YEATS2: variants seen among roughly 807,000 people sequenced by gnomAD.
YEATS2 encodes YEATS domain containing 2.
Under a neutral mutation model 163.2 loss-of-function variants are expected in YEATS2, and 77 were observed. The ratio of observed to expected loss-of-function variants is 0.47; its 90% CI spans 0.39 to 0.57. YEATS2 has a LOEUF of 0.57. YEATS2 is among the 20% of genes least tolerant of loss of function. The pLI is 0.00. For missense variants in YEATS2, 1,549 were observed against 1,729.8 expected (o/e 0.90, Z 1.85); for synonymous variants, 631 against 645.1 (o/e 0.98, Z 0.33).
In YEATS2 at chr3:183,715,152, T is replaced by C; in HGVS notation, c.-11T>C. ...TTATCATTGCTTCACAGTGAAGAAC[T>C]GAATGTCATCATGTCTGGAATCAAG... On this transcript the variant is annotated 5_prime_UTR_variant, in exon 2 of 31. Transcript: ENST00000305135. The C allele has an allele frequency of 6.3e-7, 1 of 1,597,346 alleles. No individual in the cohort carries two copies. Among genetic ancestry groups the C allele is most frequent in the South Asian group, 1.1e-5 (1 of 90,222 alleles).
At chr3:183,806,402 A>G (rs1267803825) in intron 27 of YEATS2, 1 of 456,646 alleles carries the variant, frequency 2.2e-6, no homozygotes, top group Non-Finnish European at 4.4e-6. Context: ...ACTCCTGATT[A>G]GGTTTTGTAT....
chr3:183,785,880 A>T (rs1724016744), intron 19 of YEATS2, among the ~76,000 whole-genome samples: 2 of 152,344 alleles, frequency 1.3e-5, no homozygotes, highest in South Asian at 4.1e-4. Context: ...TACTGCTGCC[A>T]AATAGTAACT....
chr3:183,709,779 G>A (rs1431294186), intron 1 of YEATS2, among the ~76,000 whole-genome samples: 5 of 150,008 alleles, frequency 3.3e-5, no homozygotes, highest in South Asian at 2.1e-4. Context: ...CCGGGTTCAC[G>A]CCATTCTCCT....
At chr3:183,786,008 G>A in intron 19 of YEATS2, 117 bp from the exon 20 acceptor site, 1 of 1,234,468 alleles carries the variant, frequency 8.1e-7, no homozygotes, top group South Asian at 1.5e-5. Context: ...GGTTGGATTG[G>A]TAAGACTTTC....
intron 19 of YEATS2, among the ~76,000 whole-genome samples, chr3:183,785,301 A>G (rs1216522957): frequency 6.6e-6 from 1 of 152,022 alleles, no homozygotes; most frequent in Admixed American, 6.6e-5. Flanking sequence ...CATCCTGGCC[A>G]ACATGGTGAA....
At chr3:183,808,980 T>C in intron 29 of YEATS2, 117 bp from the exon 30 acceptor site, 2 of 985,422 alleles carry the variant, frequency 2.0e-6, no homozygotes, top group Non-Finnish European at 3.1e-6. Context: ...CTTAAGGACT[T>C]TTTAATCCCT....
In YEATS2 at chr3:183,724,509, ATAG is replaced by A. The variant is rs759581412; in HGVS notation, c.633_635del (p.Val212del). 1 of 1,612,642 alleles carries A rather than the reference ATAG, an allele frequency of 6.2e-7. No homozygotes were observed. Among genetic ancestry groups the A allele is most frequent in the Non-Finnish European group, 8.5e-7 (1 of 1,178,930 alleles). On this transcript the variant is annotated inframe_deletion, in exon 6 of 31. Coordinates refer to ENST00000305135, the MANE Select transcript of YEATS2 (RefSeq NM_018023.5). The stretch of plus-strand genomic sequence containing the variant: ...TTCACGACTTTTTGTAAAGAAAACA[ATAG>A]TAGTGGGCAATGTGTCCAAGTGAGT...
chr3:183,756,528 G>T lies in YEATS2; in HGVS notation c.1391G>T (p.Gly464Val). The T allele has an allele frequency of 1.3e-6, 2 of 1,540,382 alleles. No homozygotes were observed. Among genetic ancestry groups the T allele is most frequent in the South Asian group, 1.3e-5 (1 of 77,992 alleles). ...GTATTCTCTCTTTTTAATTAATAAG[G>T]TTCCCCAATATCAACTCCAAGCCCA... ...PITMSCKIVSGSPISTPSPSP... is the reference protein window; with the variant it reads ...PITMSCKIVSVSPISTPSPSP... The change falls in exon 12 of 31, where the codon GGT (glycine) becomes GTT (valine). Residue 464 changes from glycine to valine, a missense_variant and splice_region_variant. Coordinates refer to ENST00000305135, the MANE Select transcript of YEATS2 (RefSeq NM_018023.5).
At chr3:183,710,425 CATT>C (rs1457796570) in intron 1 of YEATS2, among the ~76,000 whole-genome samples, 1 of 152,210 alleles carries the variant, frequency 6.6e-6, no homozygotes, top group Non-Finnish European at 1.5e-5. Flanking sequence ...GCACATTACA[CATT>C]ATTATTCTTG....
intron 9 of YEATS2, among the ~76,000 whole-genome samples, chr3:183,750,549 A>G (rs1285287349): frequency 6.6e-6 from 1 of 152,204 alleles, no homozygotes; most frequent in Non-Finnish European, 1.5e-5. Context: ...CCAACAGTGC[A>G]CACGTATTCC....
At chr3:183,793,383 C>CT in intron 21 of YEATS2, 1 of 1,086,364 alleles carries the variant, frequency 9.2e-7, no homozygotes, top group South Asian at 2.6e-5. Flanking sequence ...AATTGACCAA[C>CT]TTCTAGTATA....
At chr3:183,790,651 T>C in intron 20 of YEATS2, 146 bp from the exon 21 acceptor site, 2 of 831,874 alleles carry the variant, frequency 2.4e-6, no homozygotes, top group South Asian at 4.3e-5. Context: ...AGAAGTAATC[T>C]TTTTTAAATG....
chr3:183,751,951 G>C, intron 9 of YEATS2, 122 bp from the exon 10 acceptor site: 1 of 1,039,150 alleles, frequency 9.6e-7, no homozygotes, highest in South Asian at 1.5e-5. Flanking sequence ...GATTGAAATT[G>C]CCTTTGAAGT....
At chr3:183,719,904 C>G (rs1716316772) in intron 4 of YEATS2, among the ~76,000 whole-genome samples, 1 of 152,088 alleles carries the variant, frequency 6.6e-6, no homozygotes, top group Non-Finnish European at 1.5e-5. Flanking sequence ...CTACCTTTTT[C>G]CCTCCATGAT....
chr3:183,780,260 G>A (rs951735360), intron 19 of YEATS2, among the ~76,000 whole-genome samples: 1 of 152,094 alleles, frequency 6.6e-6, no homozygotes. Flanking sequence ...AAGCGGGGGC[G>A]CAGGGCATGG....
At chr3:183,756,859 C>T (rs1436694776) in intron 12 of YEATS2, among the ~76,000 whole-genome samples, 170 bp downstream of exon 12, 1 of 152,156 alleles carries the variant, frequency 6.6e-6, no homozygotes, top group Non-Finnish European at 1.5e-5. Context: ...GAGATTTACT[C>T]TGTAAAAGTT....
rs1721368910 is a variant in YEATS2 at position 183,761,684 on chromosome 3, C to T, written c.1764+70C>T. The T allele has an allele frequency of 5.1e-6, 7 of 1,379,420 alleles. No individual in the cohort carries two copies. In the Admixed American group the frequency reaches 1.2e-4, roughly 23 times the overall value. The allele number at this position is 1,379,420 out of a possible 1,614,324, so 85.4% of individuals were successfully genotyped here. ...TGTGGCATGTTGGAGTTCATTGCCA[C>T]TACCCCTACAACATGTTACTTTTTA... On this transcript the variant is annotated intron_variant, in intron 14 of 30. Transcript: ENST00000305135.
intron 10 of YEATS2, among the ~76,000 whole-genome samples, chr3:183,753,090 G>C (rs1216939720): frequency 6.6e-6 from 1 of 151,998 alleles, no homozygotes; most frequent in Non-Finnish European, 1.5e-5. Context: ...GACCCACCAC[G>C]CCTGGCCTAA....
At chr3:183,765,808 A>G (rs893370668) in intron 15 of YEATS2, among the ~76,000 whole-genome samples, 13 of 151,910 alleles carry the variant, frequency 8.6e-5, no homozygotes, top group African/African-American at 2.9e-4. Flanking sequence ...TTAGCCAGAC[A>G]TGGTGGTGTG....
Sources: allele counts gnomAD v4.1 joint callset (sites outside exome capture counted in the v4.1 genomes callset), GRCh38; gene constraint gnomAD v4.1.1; transcripts MANE v1.5; gene names NCBI Gene and HGNC (gene_info 2026-07-23, HGNC 2026-07-21).